Variants in AMACR observed in about 807,000 individuals in gnomAD.
The protein encoded by AMACR is 2-methylacyl-CoA racemase.
AMACR carries 18 observed loss-of-function variants against 22.2 expected under a neutral mutation model. The observed-to-expected ratio is 0.81, with a 90% CI of 0.56 to 1.20. AMACR has a LOEUF of 1.20. Among genes scored for constraint, AMACR ranks in the 50% most tolerant of loss-of-function variants. The pLI is 0.00. For missense variants in AMACR, 499 were observed against 490.6 expected (o/e 1.02, Z -0.16); for synonymous variants, 213 against 191.3 (o/e 1.11, Z -0.94).
chr5:33,986,668 G>A lies in AMACR; in HGVS notation c.*2425C>T, dbSNP rs889157428. On this transcript the variant is annotated 3_prime_UTR_variant, in exon 5 of 5. Coordinates refer to ENST00000335606, the MANE Select transcript of AMACR (RefSeq NM_014324.6). Reference sequence around the variant, plus strand: ...ACTGGTAGGAAGACTAGGGGAGAGAGAGAAGGAAAGAAGCCAGGATATTTC... The same window carrying A: ...ACTGGTAGGAAGACTAGGGGAGAGAAAGAAGGAAAGAAGCCAGGATATTTC... 2.6e-5 allele frequency: 4 copies of A among 152,200 alleles called. No individual in the cohort carries two copies. The highest frequency in any genetic ancestry group is 5.9e-5 in the Non-Finnish European group (4 of 68,048). 9.4% of individuals were successfully genotyped at this position (152,200 alleles called of 1,614,324 possible).
chr5:33,994,691 G>A (rs1753584009), intron 4 of AMACR, among the ~76,000 whole-genome samples: 2 of 152,200 alleles, frequency 1.3e-5, no homozygotes, highest in East Asian at 1.9e-4. Flanking sequence ...AAGGATCCTA[G>A]GTAAACTATG....
intron 3 of AMACR, among the ~76,000 whole-genome samples, chr5:34,001,407 T>G (rs1753810931): frequency 6.6e-6 from 1 of 152,196 alleles, no homozygotes; most frequent in Non-Finnish European, 1.5e-5. Context: ...GCCTTTGCCT[T>G]GTTTGAACAT....
chr5:34,006,136 T>C (rs1177394524), intron 1 of AMACR, among the ~76,000 whole-genome samples: 4 of 152,258 alleles, frequency 2.6e-5, no homozygotes. Context: ...CCTCTAGGTT[T>C]ATCCAAGCCT....
At chr5:33,997,673 T>A in intron 4 of AMACR, 1 of 670,146 alleles carries the variant, frequency 1.5e-6, no homozygotes, top group South Asian at 1.8e-5. Context: ...GCAAGCTTTT[T>A]AATTTCTGGA....
rs1487457870 is a variant in AMACR at position 33,989,370 on chromosome 5, T to C, written c.872A>G (p.Asp291Gly). The change falls in exon 5 of 5, where the codon GAT becomes GGT. Residue 291 changes from aspartate to glycine, a missense_variant. Physicochemically the swap from Asp to Gly is moderately conservative, Grantham distance 94 (BLOSUM62 -1). Transcript: ENST00000335606. Reference protein sequence around the residue: ...AEWCQIFDGTDACVTPVLTFE... With the variant: ...AEWCQIFDGTGACVTPVLTFE... Reference sequence around the variant, plus strand: ...AGTCAGAACCGGAGTCACACAGGCATCTGTGCCGTCAAAGATTTGACACCA... The same window carrying C: ...AGTCAGAACCGGAGTCACACAGGCACCTGTGCCGTCAAAGATTTGACACCA... 1 of 1,614,224 alleles carries C rather than the reference T, an allele frequency of 6.2e-7. No homozygotes were observed. The highest frequency in any genetic ancestry group is 1.7e-5 in the Admixed American group (1 of 60,028).
intron 4 of AMACR, among the ~76,000 whole-genome samples, chr5:33,993,363 G>A (rs1753540987): frequency 6.6e-6 from 1 of 152,020 alleles, no homozygotes; most frequent in Non-Finnish European, 1.5e-5. Flanking sequence ...CTTGGCTATT[G>A]TGAATAATGT....
At chr5:33,999,184 A>C (rs1439726702) in intron 3 of AMACR, among the ~76,000 whole-genome samples, 1 of 152,256 alleles carries the variant, frequency 6.6e-6, no homozygotes, top group Non-Finnish European at 1.5e-5. Flanking sequence ...AAAACTGCCA[A>C]GATAAAAAGT....
Position 34,004,749 on chromosome 5 carries a change from A to G in AMACR, c.392-15T>C. 1 of 1,613,672 alleles carries G rather than the reference A, an allele frequency of 6.2e-7. No homozygotes were observed. Among genetic ancestry groups the G allele is most frequent in the Non-Finnish European group, 8.5e-7 (1 of 1,179,596 alleles). ...TGAGAGAACACCTACATCATTAAAAACAAATTTAATGTCTCTTTTAAATTT... is the reference window on the plus strand; with the variant it reads ...TGAGAGAACACCTACATCATTAAAAGCAAATTTAATGTCTCTTTTAAATTT... On this transcript the variant is annotated splice_polypyrimidine_tract_variant and intron_variant, in intron 2 of 4. Coordinates refer to ENST00000335606, the MANE Select transcript of AMACR (RefSeq NM_014324.6).
At position 33,997,596 on chromosome 5, in the gene AMACR, C is replaced by T. The variant is rs916407711; in HGVS notation, c.739+1045G>A. On this transcript the variant is annotated intron_variant, in intron 4 of 4. Coordinates refer to ENST00000335606, the MANE Select transcript of AMACR (RefSeq NM_014324.6). The stretch of plus-strand genomic sequence containing the variant: ...ACTGCAGGTGGCAGTGTTCATGGCT[C>T]CACAGAGCTCCACCAGAGCATCATG... 12 of 751,402 alleles carry T rather than the reference C, an allele frequency of 1.6e-5. No individual in the cohort carries two copies. In the Admixed American group the frequency reaches 2.1e-4, roughly 13 times the overall value. 46.5% of individuals were successfully genotyped at this position (751,402 alleles called of 1,614,324 possible).
intron 3 of AMACR, among the ~76,000 whole-genome samples, chr5:34,002,283 C>T (rs953432909): frequency 6.6e-6 from 1 of 152,264 alleles, no homozygotes; most frequent in Non-Finnish European, 1.5e-5. Flanking sequence ...AGGCGTGAGC[C>T]ACCATGCCCA....
rs1199381152 is a variant in AMACR at position 34,001,990 on chromosome 5, CTTCT to C, written c.552+2580_552+2583del. ...TTCACATACCCTAAAACCTTACTAT[CTTCT>C]TTATTTAATTTATTTATTTTGAAAC... On this transcript the variant is annotated intron_variant, in intron 3 of 4. Transcript: ENST00000335606. Among the ~76,000 whole-genome samples, 23 of 152,212 alleles carry C rather than the reference CTTCT, an allele frequency of 1.5e-4. 1 individual carries two copies. The South Asian group carries it at 3.5e-3, about 23-fold the overall frequency.
chr5:34,006,923 T>A (rs1245020405), intron 1 of AMACR, among the ~76,000 whole-genome samples: 1 of 152,170 alleles, frequency 6.6e-6, no homozygotes, highest in East Asian at 1.9e-4. Flanking sequence ...CAAACACCAG[T>A]TTTTAAAAGG....
intron 4 of AMACR, among the ~76,000 whole-genome samples, chr5:33,991,175 A>C (rs778269564): frequency 1.3e-5 from 2 of 152,194 alleles, no homozygotes; most frequent in African/African-American, 2.4e-5. Flanking sequence ...CACAGGTCAT[A>C]GTTTGTATGC....
At chr5:33,991,156 CT>C (rs1293962404) in intron 4 of AMACR, among the ~76,000 whole-genome samples, 1 of 152,150 alleles carries the variant, frequency 6.6e-6, no homozygotes, top group Admixed American at 6.5e-5. Flanking sequence ...AACTTTATAG[CT>C]GAGATTACAC....
At chr5:33,999,960 G>A (rs540318788) in intron 3 of AMACR, among the ~76,000 whole-genome samples, 33 of 152,052 alleles carry the variant, frequency 2.2e-4, no homozygotes, top group South Asian at 1.2e-3. Context: ...ATGTATATGC[G>A]CACTATTTTA....
At position 33,988,093 on chromosome 5, in the gene AMACR, T is replaced by C. The variant is rs1753350204; in HGVS notation, c.*1000A>G. 2.2e-6 allele frequency: 1 copy of C among 457,244 alleles called. No homozygotes were observed. Among genetic ancestry groups the C allele is most frequent in the Non-Finnish European group, 3.9e-6 (1 of 256,486 alleles). The allele number at this position is 457,244 out of a possible 1,614,324, so 28.3% of individuals were successfully genotyped here. ...GATGGCCTACCCAACATCCATTCTC[T>C]ACTCCCTCTACTCTGATGGCACCCG... is the stretch of plus-strand genomic sequence containing the variant. On this transcript the variant is annotated 3_prime_UTR_variant, in exon 5 of 5. Coordinates refer to ENST00000335606, the MANE Select transcript of AMACR (RefSeq NM_014324.6).
chr5:33,993,728 G>A (rs569663058), intron 4 of AMACR, among the ~76,000 whole-genome samples: 7 of 151,954 alleles, frequency 4.6e-5, no homozygotes, highest in African/African-American at 7.2e-5. Context: ...GTGAAACTCC[G>A]TCTCTACTAA....
Position 33,986,709 on chromosome 5 carries a change from TCTC to T in AMACR, c.*2381_*2383del, listed in dbSNP as rs1753305789. The T allele has an allele frequency of 6.6e-6, 1 of 152,170 alleles. No individual in the cohort carries two copies. Among genetic ancestry groups the T allele is most frequent in the African/African-American group, 2.4e-5 (1 of 41,424 alleles). The allele number at this position is 152,170 out of a possible 1,614,324, so 9.4% of individuals were successfully genotyped here. The stretch of plus-strand genomic sequence containing the variant: ...AGGATATTTCCCTAGATTTCTTTCT[TCTC>T]CCTGAGGTATTACTGCCAGTGTCTA... On this transcript the variant is annotated 3_prime_UTR_variant, in exon 5 of 5. Transcript: ENST00000335606.
intron 4 of AMACR, among the ~76,000 whole-genome samples, chr5:33,992,152 T>G (rs1391427995): frequency 6.6e-6 from 1 of 151,982 alleles, no homozygotes; most frequent in Non-Finnish European, 1.5e-5. Flanking sequence ...GTGCTGGGAT[T>G]ACAGGTGTGA....
Sources: gnomAD v4.1 joint callset for allele counts (sites outside exome capture counted in the v4.1 genomes callset) on GRCh38, gnomAD v4.1.1 for gene constraint, MANE v1.5 for transcripts, NCBI Gene and HGNC (gene_info 2026-07-23, HGNC 2026-07-21) for gene names.